Variants in TFDP2 observed in about 807,000 individuals in gnomAD.
TFDP2 encodes the protein transcription factor Dp-2, also known as transcription factor Dp-2 (E2F dimerization partner 2).
In TFDP2, 17 loss-of-function variants were observed where a neutral mutation model predicts 59.3. The observed-to-expected ratio is 0.29, with a 90% confidence interval of 0.20 to 0.43. The LOEUF (loss-of-function observed/expected upper bound fraction) is 0.43. Among genes scored for constraint, TFDP2 ranks in the 20% least tolerant of loss-of-function variants. The pLI, the probability that TFDP2 is intolerant of heterozygous loss-of-function variation, is 1.00. For missense variants in TFDP2, 391 were observed against 528.8 expected, an observed-to-expected ratio of 0.74 and a Z score of 2.56; for synonymous variants, 180 against 194.7, an observed-to-expected ratio of 0.92 and a Z score of 0.63.
At chr3:142,004,407 C>T (rs1250621975) in intron 4 of TFDP2, among the ~76,000 whole-genome samples, 3 of 152,088 alleles carry the variant, frequency 2.0e-5, no homozygotes, top group Non-Finnish European at 4.4e-5. Flanking sequence ...AAAATTTATC[C>T]TTATTGCTCT....
intron 1 of TFDP2, among the ~76,000 whole-genome samples, chr3:142,105,811 C>T (rs1220159356): frequency 2.0e-5 from 3 of 152,178 alleles, no homozygotes; most frequent in South Asian, 4.1e-4. Context: ...AAAGCCAAAG[C>T]GCATGGATTT....
Position 142,104,588 on chromosome 3 carries a change from G to C in TFDP2, c.-92-2747C>G, listed in dbSNP as rs1010834000. Reference sequence around the variant, plus strand: ...TCAACTATTTTTTAGAAAGTTAAAAGTCATATATTTAGCTATATTATTAAA... The same window carrying C: ...TCAACTATTTTTTAGAAAGTTAAAACTCATATATTTAGCTATATTATTAAA... On this transcript the variant is annotated intron_variant, in intron 1 of 12. Coordinates refer to ENST00000489671, the MANE Select transcript of TFDP2 (RefSeq NM_001178139.2). Among the ~76,000 whole-genome samples the C allele has an allele frequency of 5.9e-5, 9 of 152,098 alleles. 1 individual carries two copies. Among genetic ancestry groups the C allele is most frequent in the South Asian group, 4.1e-4 (2 of 4,822 alleles).
At chr3:142,057,705 C>T (rs756788393) in intron 3 of TFDP2, among the ~76,000 whole-genome samples, 4 of 152,104 alleles carry the variant, frequency 2.6e-5, no homozygotes, top group Non-Finnish European at 4.4e-5. Flanking sequence ...AAAAGAAAAA[C>T]GTTAGAGAAA....
Position 142,049,191 on chromosome 3 carries a change from T to C in TFDP2, c.83-43647A>G, listed in dbSNP as rs574313007. Among the ~76,000 whole-genome samples the C allele has an allele frequency of 3.9e-5, 6 of 152,276 alleles. 1 individual carries two copies. Among genetic ancestry groups the C allele is most frequent in the African/African-American group, 1.4e-4 (6 of 41,574 alleles). On this transcript the variant is annotated intron_variant, in intron 3 of 12. Coordinates refer to ENST00000489671, the MANE Select transcript of TFDP2 (RefSeq NM_001178139.2). ...CCATTTTAAGTAAACTACGGCCCAA[T>C]ATCCCTCATGAACACTCACAAAAAT...
At chr3:142,080,537 A>G (rs2060602544) in intron 3 of TFDP2, among the ~76,000 whole-genome samples, 1 of 152,224 alleles carries the variant, frequency 6.6e-6, no homozygotes, top group Non-Finnish European at 1.5e-5. Flanking sequence ...CAACTCTCCA[A>G]TCAAAAGACA....
chr3:142,103,023 G>A (rs2061360671), intron 1 of TFDP2, among the ~76,000 whole-genome samples: 1 of 152,104 alleles, frequency 6.6e-6, no homozygotes, highest in African/African-American at 2.4e-5. Flanking sequence ...ATCACCTGAG[G>A]TCAGGAGTTC....
intron 1 of TFDP2, among the ~76,000 whole-genome samples, chr3:142,115,937 C>A (rs752009270): frequency 4.6e-5 from 7 of 152,132 alleles, no homozygotes; most frequent in Non-Finnish European, 1.0e-4. Flanking sequence ...GATCTGTAGT[C>A]CAGTCAATTA....
chr3:141,968,345 A>T (rs1483456353), intron 9 of TFDP2, among the ~76,000 whole-genome samples: 52 of 104,186 alleles, frequency 5.0e-4, no homozygotes, highest in Non-Finnish European at 7.1e-4. Context: ...ATAATATATA[A>T]CTATATATAA....
chr3:142,013,898 CT>C (rs1305280435), intron 3 of TFDP2, among the ~76,000 whole-genome samples: 1 of 151,848 alleles, frequency 6.6e-6, no homozygotes, highest in East Asian at 1.9e-4. Flanking sequence ...GCTAATATAA[CT>C]TTTTTTTCAT....
intron 3 of TFDP2, among the ~76,000 whole-genome samples, chr3:142,021,491 T>C (rs556838196): frequency 1.3e-5 from 2 of 152,322 alleles, no homozygotes; most frequent in African/African-American, 4.8e-5. Flanking sequence ...TATAGCTCTA[T>C]GGTCATATTT....
In TFDP2 at chr3:141,956,412, C is replaced by T. The variant is rs544363378; in HGVS notation, c.1051+3262G>A. 5.9e-5 allele frequency among the ~76,000 whole-genome samples: 9 copies of T among 151,906 alleles called. No individual in the cohort carries two copies. In the South Asian group the frequency reaches 1.0e-3, roughly 18 times the overall value. ...ACTAAAAATACAAAAATTAGCTGGG[C>T]GTGGTGGTGGGCGCCTGTAATTCCA... On this transcript the variant is annotated intron_variant, in intron 11 of 12. Transcript: ENST00000489671.
chr3:142,148,503 C>T (rs776648560), intron 1 of TFDP2, among the ~76,000 whole-genome samples: 2 of 152,176 alleles, frequency 1.3e-5, no homozygotes, highest in Admixed American at 6.5e-5. Context: ...CTCCCCGAAA[C>T]ACACCGAATA....
chr3:142,093,218 A>C (rs750835672), intron 2 of TFDP2, 91 bp from the exon 3 acceptor site: 87 of 708,490 alleles, frequency 1.2e-4, no homozygotes, highest in Middle Eastern at 2.5e-4. Flanking sequence ...TCAGACATCC[A>C]TATCAAATAT....
rs557150266 is a variant in TFDP2, at chr3:141,984,514, T to C, written c.357-5832A>G. The stretch of plus-strand genomic sequence containing the variant: ...GTCTCAAAAAAAAAATAAAAAGATA[T>C]TGTATGATTCCACTTATATGAAATC... On this transcript the variant is annotated intron_variant, in intron 6 of 12. Transcript: ENST00000489671. Among the ~76,000 whole-genome samples the C allele has an allele frequency of 3.9e-5, 6 of 152,120 alleles. No homozygotes were observed. In the South Asian group the frequency reaches 1.0e-3, roughly 26 times the overall value.
chr3:142,013,479 A>G (rs11569177), intron 3 of TFDP2, among the ~76,000 whole-genome samples: 10,588 of 152,288 alleles, frequency 0.07, 471 homozygotes, highest in Non-Finnish European at 0.11. Context: ...TCCTAAGTGC[A>G]TGGCCTAAAT....
chr3:142,012,724 A>G (rs1193428235), intron 3 of TFDP2, among the ~76,000 whole-genome samples: 1 of 152,216 alleles, frequency 6.6e-6, no homozygotes, highest in African/African-American at 2.4e-5. Context: ...GTCTGCCAAG[A>G]GAAACTACAA....
intron 3 of TFDP2, among the ~76,000 whole-genome samples, chr3:142,034,932 T>G (rs777390119): frequency 6.6e-6 from 1 of 152,010 alleles, no homozygotes; most frequent in Non-Finnish European, 1.5e-5. Flanking sequence ...GGTCCCGATC[T>G]CCTGACCTCG....
At chr3:141,954,794 CTA>C (rs1381300664) in intron 11 of TFDP2, among the ~76,000 whole-genome samples, 1 of 152,032 alleles carries the variant, frequency 6.6e-6, no homozygotes. Flanking sequence ...CCAAAATGAG[CTA>C]TGATTTAATT....
chr3:141,958,569 G>C (rs760841708), intron 11 of TFDP2, among the ~76,000 whole-genome samples: 7 of 152,164 alleles, frequency 4.6e-5, no homozygotes, highest in Non-Finnish European at 8.8e-5. Context: ...CTGGGGCAGG[G>C]GCATGCAGTG....
Sources: gnomAD v4.1 joint callset for allele counts (sites outside exome capture counted in the v4.1 genomes callset) on GRCh38, gnomAD v4.1.1 for gene constraint, MANE v1.5 for transcripts, NCBI Gene and HGNC (gene_info 2026-07-23, HGNC 2026-07-21) for gene names.